RMDN2: variants seen among roughly 807,000 people sequenced by gnomAD.
RMDN2 encodes regulator of microtubule dynamics 2, also known as regulator of microtubule dynamics protein 2.
A neutral mutation model predicts 52.8 loss-of-function variants in RMDN2; 61 were observed. That is an observed-to-expected ratio of 1.16 (90% confidence interval 0.94 to 1.43). RMDN2 has a LOEUF of 1.43. Among genes scored for constraint, RMDN2 ranks in the 40% most tolerant of loss-of-function variants. The pLI is 0.00. For synonymous variants in RMDN2, 180 were observed against 153.1 expected (o/e 1.18, Z -1.30); for missense variants, 592 against 475.3 (o/e 1.25, Z -2.28).
intron 2 of RMDN2, among the ~76,000 whole-genome samples, chr2:37,968,780 G>C (rs761367751): frequency 1.3e-5 from 2 of 152,182 alleles, no homozygotes; most frequent in Non-Finnish European, 2.9e-5. Flanking sequence ...AACTTCTCTA[G>C]ACCTGCTGAA....
chr2:37,942,751 T>C (rs577141059), intron 2 of RMDN2, among the ~76,000 whole-genome samples: 1 of 152,312 alleles, frequency 6.6e-6, no homozygotes, highest in East Asian at 1.9e-4. Flanking sequence ...CACATTAACA[T>C]TTGAGGTCCC....
chr2:37,956,530 T>C (rs1454432371), intron 2 of RMDN2, among the ~76,000 whole-genome samples: 1 of 152,140 alleles, frequency 6.6e-6, no homozygotes, highest in African/African-American at 2.4e-5. Context: ...TTCTCTAATA[T>C]GTTTATTTCT....
chr2:37,949,690 G>A (rs1305498265), intron 2 of RMDN2, among the ~76,000 whole-genome samples: 1 of 152,128 alleles, frequency 6.6e-6, no homozygotes, highest in Non-Finnish European at 1.5e-5. Flanking sequence ...GCAGTAGGGT[G>A]TTAGGAAGGG....
intron 2 of RMDN2, among the ~76,000 whole-genome samples, chr2:37,948,802 A>G (rs1158444449): frequency 6.6e-6 from 1 of 152,172 alleles, no homozygotes; most frequent in Non-Finnish European, 1.5e-5. Flanking sequence ...TGTCTGCATA[A>G]TCATAGATTT....
upstream of RMDN2, chr2:37,925,262 G>A (rs1425788836): frequency 1.3e-5 from 2 of 152,438 alleles, no homozygotes; most frequent in Non-Finnish European, 2.9e-5. Flanking sequence ...GAGCGGCCGC[G>A]GGCTCCTCCC....
Position 37,951,640 on chromosome 2 carries a change from T to A in RMDN2, c.452+21911T>A. On this transcript the variant is annotated intron_variant, in intron 2 of 10. Coordinates refer to ENST00000354545, the MANE Select transcript of RMDN2 (RefSeq NM_001170791.3). ...ATAGTTTCCTATTACAAGAGTGCCATTTTTTTTGATCCTCAAGCAAGTGGC... is the reference window on the plus strand; with the variant it reads ...ATAGTTTCCTATTACAAGAGTGCCAATTTTTTTGATCCTCAAGCAAGTGGC... 2 of 1,602,142 alleles carry A rather than the reference T, an allele frequency of 1.2e-6. No homozygotes were observed. Among genetic ancestry groups the A allele is most frequent in the Non-Finnish European group, 1.7e-6 (2 of 1,171,238 alleles).
chr2:38,061,318 G>A (rs12999317), intron 10 of RMDN2, among the ~76,000 whole-genome samples: 27,666 of 152,116 alleles, frequency 0.18, 2,645 homozygotes, highest in Middle Eastern at 0.21. Flanking sequence ...GGCAGGGAAC[G>A]GTCTGGACCC....
intron 1 of RMDN2, 25 bp from the exon 2 acceptor site, chr2:37,929,237 T>A: frequency 7.6e-7 from 1 of 1,316,642 alleles, no homozygotes; most frequent in Non-Finnish European, 1.0e-6. Context: ...ACAACATTCA[T>A]TTACATTTAT....
intron 10 of RMDN2, among the ~76,000 whole-genome samples, chr2:38,009,180 G>A (rs1677568882): frequency 6.6e-6 from 1 of 152,108 alleles, no homozygotes; most frequent in South Asian, 2.1e-4. Flanking sequence ...ACAATTACAT[G>A]TCTTGGAGTT....
intron 2 of RMDN2, among the ~76,000 whole-genome samples, chr2:37,973,320 A>T (rs1415700876): frequency 6.6e-6 from 1 of 152,236 alleles, no homozygotes; most frequent in East Asian, 1.9e-4. Flanking sequence ...AACTTAGATC[A>T]TCTTGAACTA....
intron 2 of RMDN2, among the ~76,000 whole-genome samples, chr2:37,940,159 A>T (rs934739395): frequency 3.9e-5 from 6 of 152,204 alleles, no homozygotes; most frequent in Non-Finnish European, 1.5e-5. Context: ...TTGGCTCGAT[A>T]TGAAGTTCTG....
chr2:37,978,777 C>CAGATAGATAGATAGATAGATAGAT (rs1213724373), intron 4 of RMDN2, among the ~76,000 whole-genome samples: 55 of 148,862 alleles, frequency 3.7e-4, no homozygotes, highest in South Asian at 6.6e-4. Context: ...GACCCTTTCT[C>CAGATAGATAGATAGATAGATAGAT]AGATAGATAG....
At chr2:38,038,371 T>C (rs549937021) in intron 10 of RMDN2, among the ~76,000 whole-genome samples, 9 of 152,296 alleles carry the variant, frequency 5.9e-5, no homozygotes, top group African/African-American at 1.9e-4. Context: ...AACAATAGAA[T>C]GAGCTGAGTT....
chr2:38,000,344 G>A (rs1676143237), intron 8 of RMDN2, among the ~76,000 whole-genome samples: 1 of 152,206 alleles, frequency 6.6e-6, no homozygotes, highest in Non-Finnish European at 1.5e-5. Context: ...GTATCTTGAA[G>A]TATAGTTTAT....
intron 8 of RMDN2, chr2:38,002,730 G>A (rs1247583004): frequency 6.6e-6 from 1 of 152,226 alleles, no homozygotes; most frequent in African/African-American, 2.4e-5. Flanking sequence ...TGTGGCATGA[G>A]CCTGAAGTTG....
intron 10 of RMDN2, among the ~76,000 whole-genome samples, chr2:38,057,301 T>C (rs1014154536): frequency 5.3e-5 from 8 of 152,228 alleles, no homozygotes; most frequent in African/African-American, 1.7e-4. Flanking sequence ...AAAGCTGCCA[T>C]AGGCATTACA....
intron 5 of RMDN2, among the ~76,000 whole-genome samples, chr2:37,988,216 A>G (rs531246467): frequency 6.6e-6 from 1 of 152,346 alleles, no homozygotes; most frequent in South Asian, 2.1e-4. Flanking sequence ...GCCTGAGGCA[A>G]CAATAAGTTT....
At chr2:37,948,179 A>G (rs556883054) in intron 2 of RMDN2, among the ~76,000 whole-genome samples, 20 of 152,152 alleles carry the variant, frequency 1.3e-4, no homozygotes, top group Non-Finnish European at 2.4e-4. Flanking sequence ...CATACCCCGG[A>G]CCTAGCGAAT....
At chr2:37,938,223 C>T (rs7579285) in intron 2 of RMDN2, among the ~76,000 whole-genome samples, 24,382 of 152,144 alleles carry the variant, frequency 0.16, 2,274 homozygotes, top group African/African-American at 0.25. Context: ...GTTGAACCAG[C>T]CTTGCATCCC....
Sources: gnomAD v4.1 joint callset for allele counts (sites outside exome capture counted in the v4.1 genomes callset) on GRCh38, gnomAD v4.1.1 for gene constraint, MANE v1.5 for transcripts, NCBI Gene and HGNC (gene_info 2026-07-23, HGNC 2026-07-21) for gene names.